ZNF608: variants seen among roughly 807,000 people sequenced by gnomAD.
ZNF608 encodes the protein renal carcinoma antigen NY-REN-36.
A neutral mutation model predicts 109.0 loss-of-function variants in ZNF608; 12 were observed. That is an observed-to-expected ratio of 0.11 (90% confidence interval 0.07 to 0.18). ZNF608 has a LOEUF of 0.18. ZNF608 is among the 10% of genes least tolerant of loss of function. The probability of loss-of-function intolerance (pLI) is 1.00; values close to 1 mark genes in which losing one functional copy is unlikely to be tolerated. For missense variants in ZNF608, 1,707 were observed against 1,879.3 expected, an observed-to-expected ratio of 0.91 and a Z score of 1.70; for synonymous variants, 732 against 717.4, an observed-to-expected ratio of 1.02 and a Z score of -0.33.
chr5:124,652,483 A>G (rs1017787426), intron 3 of ZNF608, among the ~76,000 whole-genome samples: 1 of 152,206 alleles, frequency 6.6e-6, no homozygotes, highest in Non-Finnish European at 1.5e-5. Flanking sequence ...TATATGTACG[A>G]GCCGCTTCAC....
At chr5:124,661,780 TAC>T (rs1751274565) in intron 3 of ZNF608, among the ~76,000 whole-genome samples, 1 of 152,244 alleles carries the variant, frequency 6.6e-6, no homozygotes, top group Non-Finnish European at 1.5e-5. Flanking sequence ...ATCGTCTGTA[TAC>T]ACACAGTCAC....
chr5:124,670,533 T>C (rs1751672225), intron 3 of ZNF608, among the ~76,000 whole-genome samples: 2 of 152,196 alleles, frequency 1.3e-5, no homozygotes, highest in African/African-American at 2.4e-5. Context: ...TTCCTTGTCA[T>C]AGGCGTGGAT....
intron 2 of ZNF608, among the ~76,000 whole-genome samples, chr5:124,711,531 G>T (rs1039652235): frequency 2.0e-5 from 3 of 152,202 alleles, no homozygotes; most frequent in Admixed American, 1.3e-4. Context: ...AGTCCAAGGT[G>T]GCATAAGGAC....
chr5:124,713,209 A>T (rs1003155993), intron 2 of ZNF608, among the ~76,000 whole-genome samples: 1 of 152,112 alleles, frequency 6.6e-6, no homozygotes, highest in Admixed American at 6.5e-5. Flanking sequence ...AGGTGGTTCC[A>T]CCCTACAAAT....
Position 124,648,591 on chromosome 5 carries a change from C to A in ZNF608, c.1793G>T (p.Cys598Phe), listed in dbSNP as rs781245028. 1.2e-6 allele frequency: 2 copies of A among 1,614,232 alleles called. No individual in the cohort carries two copies. The highest frequency in any genetic ancestry group is 1.1e-5 in the South Asian group (1 of 91,090). ...EPDSEDKISD[C>F]EEGLSNVALE... ...TGCCACATTACTCAATCCTTCCTCA[C>A]AGTCCGAGATCTTGTCCTCACTGTC... The change falls in exon 5 of 10, where the codon TGT becomes TTT. Residue 598 changes from cysteine (C) to phenylalanine (F), a missense_variant. Physicochemically the swap from Cys to Phe is radical, Grantham distance 205. Coordinates refer to ENST00000513986, the MANE Select transcript of ZNF608 (RefSeq NM_020747.3).
upstream of ZNF608, among the ~76,000 whole-genome samples, chr5:124,747,286 T>G (rs931369159): frequency 2.6e-5 from 4 of 151,526 alleles, no homozygotes; most frequent in Non-Finnish European, 5.9e-5. Flanking sequence ...CAGCCCCTCC[T>G]GTGTTTAGTC....
chr5:124,669,642 C>A (rs966460578), intron 3 of ZNF608, among the ~76,000 whole-genome samples: 7 of 129,454 alleles, frequency 5.4e-5, no homozygotes, highest in Non-Finnish European at 1.1e-4. Flanking sequence ...TGAATCCCTT[C>A]TCCCAAACAC....
chr5:124,643,598 A>G lies in ZNF608; in HGVS notation c.4209T>C (p.Pro1403=), dbSNP rs1448662653. ...REETEKVNTS[P]SVNTKTTTES... is the part of the protein sequence containing the mutation. Reference sequence around the variant, plus strand: ...CAGTGGTTGTTTTCGTGTTGACGCTAGGGCTGGTATTGACTTTCTCTGTCT... The same window carrying G: ...CAGTGGTTGTTTTCGTGTTGACGCTGGGGCTGGTATTGACTTTCTCTGTCT... Residue 1403 remains proline (P), a synonymous_variant, in exon 7 of 10, where the codon CCT becomes CCC. Transcript: ENST00000513986. 1 of 1,614,196 alleles carries G rather than the reference A, an allele frequency of 6.2e-7. No homozygotes were observed. Among genetic ancestry groups the G allele is most frequent in the Non-Finnish European group, 8.5e-7 (1 of 1,180,034 alleles).
intron 2 of ZNF608, among the ~76,000 whole-genome samples, chr5:124,742,159 C>T (rs746551273): frequency 1.5e-4 from 23 of 152,114 alleles, no homozygotes; most frequent in Non-Finnish European, 2.4e-4. Context: ...TTCCATTCTT[C>T]ACCCAGTTTC....
At chr5:124,665,870 C>T (rs1399738752) in intron 3 of ZNF608, among the ~76,000 whole-genome samples, 1 of 152,174 alleles carries the variant, frequency 6.6e-6, no homozygotes, top group Non-Finnish European at 1.5e-5. Flanking sequence ...CAATAGCCTG[C>T]CAGTGGTTAT....
intron 3 of ZNF608, among the ~76,000 whole-genome samples, chr5:124,670,336 T>C (rs1218672696): frequency 1.3e-5 from 2 of 148,612 alleles, no homozygotes; most frequent in Non-Finnish European, 3.0e-5. Context: ...TTTCTTTCTT[T>C]CTTTTTTTTT....
intron 3 of ZNF608, among the ~76,000 whole-genome samples, chr5:124,678,632 A>G (rs894058845): frequency 6.6e-6 from 1 of 152,166 alleles, no homozygotes; most frequent in Non-Finnish European, 1.5e-5. Context: ...GAGTCTGGCT[A>G]GCATTTTCTG....
rs61752318 is a variant in ZNF608, at chr5:124,641,351, G to A, written c.4351C>T (p.Arg1451Cys). The A allele has an allele frequency of 4.6e-5, 75 of 1,613,896 alleles. No homozygotes were observed. The highest frequency in any genetic ancestry group is 6.0e-5 in the Non-Finnish European group (71 of 1,180,016). The change falls in exon 8 of 10, where the codon CGC becomes TGC. Residue 1451 changes from arginine to cysteine, a missense_variant. By Grantham distance (180) the Arg-to-Cys change is radical. Around this residue, in one of 7 missense-constraint regions of ZNF608, gnomAD observed 1,073 missense variants for 1,133.5 expected, o/e 0.95. Coordinates refer to ENST00000513986, the MANE Select transcript of ZNF608 (RefSeq NM_020747.3). The stretch of plus-strand genomic sequence containing the variant: ...TGCCGCTGGCCGAAGGGGGAGTGGC[G>A]ATCCCTTTCCCTTTCTGCCTCCCGT... ...REREAERERD[R>C]HSPFGQRHLH...
Position 124,648,893 on chromosome 5 carries a change from G to A in ZNF608, c.1491C>T (p.Thr497=). The change falls in exon 5 of 10, where the codon ACC becomes ACT. Residue 497 remains threonine, a synonymous_variant. Transcript: ENST00000513986. ...TTGGAGGCTTGTTTTTCCTTTTGTT[G>A]GTGGAGGAAGGGCTGGCTTTGATAT... ...AEDIKASPSS[T]NKRKNKPPME... The A allele has an allele frequency of 6.2e-7, 1 of 1,613,946 alleles. No homozygotes were observed. The highest frequency in any genetic ancestry group is 8.5e-7 in the Non-Finnish European group (1 of 1,179,936).
At chr5:124,713,561 G>A (rs188316381) in intron 2 of ZNF608, among the ~76,000 whole-genome samples, 1 of 152,256 alleles carries the variant, frequency 6.6e-6, no homozygotes, top group East Asian at 1.9e-4. Context: ...ATTGTCATTG[G>A]ATTTTAAATT....
chr5:124,735,368 G>A (rs1216676955), intron 2 of ZNF608, among the ~76,000 whole-genome samples: 1 of 152,138 alleles, frequency 6.6e-6, no homozygotes, highest in East Asian at 1.9e-4. Flanking sequence ...GCGCGTTCCC[G>A]GCTGCACGCC....
intron 3 of ZNF608, among the ~76,000 whole-genome samples, chr5:124,670,818 AC>A (rs2149813571): frequency 6.6e-6 from 1 of 152,242 alleles, no homozygotes; most frequent in East Asian, 1.9e-4. Context: ...CAGCAGAGCA[AC>A]CACTGGGTCA....
At position 124,648,143 on chromosome 5, in the gene ZNF608, C is replaced by A. The variant is rs748837990; in HGVS notation, c.2241G>T (p.Pro747=). Reference sequence around the variant, plus strand: ...TTGCAGTGGGTATAGCGATTAGCTGCGGGGGAGTGGGGGCTGGGGCAGGGG... The same window carrying A: ...TTGCAGTGGGTATAGCGATTAGCTGAGGGGGAGTGGGGGCTGGGGCAGGGG... ...PIAPAPAPTP[P]QLIAIPTATF... is the part of the protein sequence containing the mutation. The change falls in exon 5 of 10, where the codon CCG becomes CCT. Residue 747 remains proline (P), a synonymous_variant. Coordinates refer to ENST00000513986, the MANE Select transcript of ZNF608 (RefSeq NM_020747.3). 9 of 870,478 alleles carry A rather than the reference C, an allele frequency of 1.0e-5. No homozygotes were observed. The highest frequency in any genetic ancestry group is 1.6e-5 in the Non-Finnish European group (9 of 566,092). 53.9% of individuals were successfully genotyped at this position (870,478 alleles called of 1,614,324 possible).
chr5:124,732,914 G>A (rs1580712305), intron 2 of ZNF608, among the ~76,000 whole-genome samples: 1 of 152,078 alleles, frequency 6.6e-6, no homozygotes, highest in Non-Finnish European at 1.5e-5. Context: ...TTCCTGACCA[G>A]GGAGCACAGA....
Sources: gnomAD v4.1 joint callset for allele counts (sites outside exome capture counted in the v4.1 genomes callset) on GRCh38, gnomAD v4.1.1 for gene constraint, gnomAD v4.1.1 regional missense constraint, MANE v1.5 for transcripts, NCBI Gene and HGNC (gene_info 2026-07-23, HGNC 2026-07-21) for gene names.